BARX2: variants seen among roughly 807,000 people sequenced by gnomAD.
BARX2 encodes the protein homeobox protein BarH-like 2.
A neutral mutation model predicts 25.5 loss-of-function variants in BARX2; 11 were observed. The ratio of observed to expected loss-of-function variants is 0.43; its 90% confidence interval spans 0.27 to 0.71. The LOEUF is 0.71. BARX2 is among the 30% of genes least tolerant of loss of function. The pLI is 0.19. For synonymous variants in BARX2, 137 were observed against 149.5 expected, an observed-to-expected ratio of 0.92 and a Z score of 0.61; for missense variants, 360 against 359.9, an observed-to-expected ratio of 1.00 and a Z score of 0.00.
chr11:129,389,681 C>G (rs942499205), intron 1 of BARX2, among the ~76,000 whole-genome samples: 1 of 147,280 alleles, frequency 6.8e-6, no homozygotes, highest in African/African-American at 2.5e-5. Flanking sequence ...CGTTTGATTT[C>G]TTTTCTTCTT....
At chr11:129,391,455 C>T (rs1861664874) in intron 1 of BARX2, among the ~76,000 whole-genome samples, 1 of 152,102 alleles carries the variant, frequency 6.6e-6, no homozygotes, top group Non-Finnish European at 1.5e-5. Context: ...ACTTGCTGGC[C>T]CTTTACAAGG....
chr11:129,396,530 T>A (rs140099197), intron 1 of BARX2, among the ~76,000 whole-genome samples: 1 of 152,302 alleles, frequency 6.6e-6, no homozygotes, highest in African/African-American at 2.4e-5. Context: ...AACAGTCTAC[T>A]TTTTAAGAAA....
rs1164836800 is a variant in BARX2 at position 129,451,782 on chromosome 11, A to G, written c.*380A>G. The stretch of plus-strand genomic sequence containing the variant: ...CTGACCTCTGGGCAGCCAGTCATCA[A>G]AGCAGAGAGACGTGGCGGCATGTGG... On this transcript the variant is annotated 3_prime_UTR_variant, in exon 4 of 4. Transcript: ENST00000281437. 5.7e-6 allele frequency: 1 copy of G among 175,922 alleles called. No homozygotes were observed. Among genetic ancestry groups the G allele is most frequent in the African/African-American group, 2.4e-5 (1 of 42,406 alleles). The allele number at this position is 175,922 out of a possible 1,614,324, so 10.9% of individuals were successfully genotyped here. A position where few individuals can be genotyped will look rare whatever the true frequency, so the allele number is the denominator to read the frequency against.
At chr11:129,442,589 A>G (rs1862275272) in intron 2 of BARX2, 2 of 486,894 alleles carry the variant, frequency 4.1e-6, no homozygotes, top group Non-Finnish European at 7.5e-6. Context: ...CAGACCGTGA[A>G]TGTTTCAGGA....
At chr11:129,408,501 C>A (rs1414691268) in intron 1 of BARX2, among the ~76,000 whole-genome samples, 1 of 152,178 alleles carries the variant, frequency 6.6e-6, no homozygotes, top group Non-Finnish European at 1.5e-5. Flanking sequence ...ATGACCTGGC[C>A]CTGCCTGTCT....
At chr11:129,398,048 T>A (rs114325770) in intron 1 of BARX2, among the ~76,000 whole-genome samples, 2 of 152,228 alleles carry the variant, frequency 1.3e-5, no homozygotes. Context: ...AGGCTATTAC[T>A]GATAACACGA....
chr11:129,401,684 G>A (rs1212401893), intron 1 of BARX2, among the ~76,000 whole-genome samples: 1 of 152,150 alleles, frequency 6.6e-6, no homozygotes, highest in African/African-American at 2.4e-5. Context: ...AGCCGGGCAC[G>A]GTGGCTCACA....
chr11:129,391,326 T>C (rs902555867), intron 1 of BARX2, among the ~76,000 whole-genome samples: 6 of 152,174 alleles, frequency 3.9e-5, no homozygotes, highest in Non-Finnish European at 5.9e-5. Context: ...TACATAAAAA[T>C]GTTATTGGAA....
chr11:129,386,345 A>T (rs754509001), intron 1 of BARX2, among the ~76,000 whole-genome samples: 1 of 152,206 alleles, frequency 6.6e-6, no homozygotes, highest in Non-Finnish European at 1.5e-5. Flanking sequence ...TGCTATTGAC[A>T]GTTTCATTTA....
chr11:129,396,008 A>G (rs572349088), intron 1 of BARX2, among the ~76,000 whole-genome samples: 163 of 152,146 alleles, frequency 1.1e-3, no homozygotes, highest in African/African-American at 3.9e-3. Flanking sequence ...AGGAAACACA[A>G]TCTGCAAGAA....
At chr11:129,439,194 T>C (rs1862227493) in intron 2 of BARX2, among the ~76,000 whole-genome samples, 1 of 152,008 alleles carries the variant, frequency 6.6e-6, no homozygotes, top group South Asian at 2.1e-4. Flanking sequence ...AGGGACCAGT[T>C]AGGAGAGAAT....
intron 1 of BARX2, among the ~76,000 whole-genome samples, chr11:129,414,996 A>C (rs1232142701): frequency 2.0e-5 from 3 of 152,222 alleles, no homozygotes; most frequent in African/African-American, 7.2e-5. Context: ...TAAGTAGTGC[A>C]ATATTGCTCA....
chr11:129,401,146 G>A (rs1368444260), intron 1 of BARX2, among the ~76,000 whole-genome samples: 1 of 152,192 alleles, frequency 6.6e-6, no homozygotes, highest in Admixed American at 6.5e-5. Context: ...CATTGGCATG[G>A]TTGAGATAGA....
chr11:129,422,101 A>G (rs985769391), intron 1 of BARX2, among the ~76,000 whole-genome samples: 2 of 151,990 alleles, frequency 1.3e-5, no homozygotes, highest in Non-Finnish European at 2.9e-5. Flanking sequence ...GCTGGCCTCG[A>G]TTGCCTGGCT....
intron 1 of BARX2, among the ~76,000 whole-genome samples, chr11:129,381,654 A>C (rs1591424839): frequency 6.6e-6 from 1 of 152,348 alleles, no homozygotes; most frequent in South Asian, 2.1e-4. Context: ...TTTGTGATAG[A>C]AACATGGATA....
At chr11:129,406,794 A>G (rs1861835033) in intron 1 of BARX2, among the ~76,000 whole-genome samples, 1 of 152,206 alleles carries the variant, frequency 6.6e-6, no homozygotes, top group African/African-American at 2.4e-5. Flanking sequence ...ACATGAAATA[A>G]TTGATGATGA....
At chr11:129,423,290 T>C (rs181611527) in intron 1 of BARX2, among the ~76,000 whole-genome samples, 4 of 151,904 alleles carry the variant, frequency 2.6e-5, no homozygotes, top group Non-Finnish European at 5.9e-5. Context: ...CTAATTTTTG[T>C]ATAATTAGTA....
intron 1 of BARX2, among the ~76,000 whole-genome samples, chr11:129,419,739 T>C (rs531559042): frequency 6.3e-4 from 96 of 152,180 alleles, no homozygotes; most frequent in Non-Finnish European, 1.0e-3. Flanking sequence ...TGACTCTTCC[T>C]GAGGCCCTCA....
chr11:129,399,932 T>G (rs748571653), intron 1 of BARX2, among the ~76,000 whole-genome samples: 1 of 152,124 alleles, frequency 6.6e-6, no homozygotes, highest in Non-Finnish European at 1.5e-5. Flanking sequence ...AGTCCTCAAC[T>G]TGGTCTGATG....
Sources: allele counts gnomAD v4.1 joint callset (sites outside exome capture counted in the v4.1 genomes callset), GRCh38; gene constraint gnomAD v4.1.1; transcripts MANE v1.5; gene names NCBI Gene and HGNC (gene_info 2026-07-23, HGNC 2026-07-21).